Variants in CHD1 observed in about 807,000 individuals in gnomAD.
CHD1 encodes ATP-dependent chromatin remodeler CHD1.
A neutral mutation model predicts 224.2 loss-of-function variants in CHD1; 36 were observed. The ratio of observed to expected loss-of-function variants is 0.16; its 90% CI spans 0.12 to 0.21. The LOEUF is 0.21. Ranked by LOEUF, CHD1 falls within the 10% of genes least tolerant of loss-of-function variation. The pLI is 1.00. For synonymous variants in CHD1, 668 were observed against 658.3 expected (o/e 1.01, Z -0.23); for missense variants, 1,378 against 1,994.8 (o/e 0.69, Z 5.89).
Position 98,898,341 on chromosome 5 carries a change from G to A in CHD1, c.1280C>T (p.Ala427Val). The change falls in exon 10 of 36, where the codon GCT becomes GTT. Residue 427 changes from alanine (A) to valine (V), a missense_variant. Ala to Val is a moderately conservative substitution (Grantham distance 64). Coordinates refer to ENST00000614616, the MANE Select transcript of CHD1 (RefSeq NM_001270.4). ...TGCTTGAAACTTTTTGGAAATGAGA[G>A]CTCCATCTTCCCAGCTGCACTCTGA... ...PYSECSWEDG[A>V]LISKKFQACI... 8 of 1,602,634 alleles carry A rather than the reference G, an allele frequency of 5.0e-6. No homozygotes were observed. The highest frequency in any genetic ancestry group is 1.3e-5 in the African/African-American group (1 of 74,766).
chr5:98,908,627 T>C (rs1752198656), intron 2 of CHD1, among the ~76,000 whole-genome samples: 1 of 152,174 alleles, frequency 6.6e-6, no homozygotes, highest in Non-Finnish European at 1.5e-5. Flanking sequence ...GATCTCCAAT[T>C]AATATTTTAT....
intron 34 of CHD1, chr5:98,858,663 G>T: frequency 2.3e-6 from 1 of 427,954 alleles, no homozygotes; most frequent in Non-Finnish European, 4.1e-6. Flanking sequence ...CAGAAAGAAT[G>T]CATTACTATT....
chr5:98,870,944 T>G, intron 28 of CHD1, 141 bp from the exon 29 acceptor site: 1 of 447,844 alleles, frequency 2.2e-6, no homozygotes, highest in Non-Finnish European at 3.9e-6. Flanking sequence ...ATAAACTCAA[T>G]GCAAAATGTA....
chr5:98,886,151 AC>A (rs1192540202), intron 17 of CHD1: 1 of 152,438 alleles, frequency 6.6e-6, no homozygotes, highest in African/African-American at 2.4e-5. Flanking sequence ...ATTGAGTCCT[AC>A]CCCAGACCTA....
At chr5:98,915,340 T>C (rs1367285192) in intron 2 of CHD1, among the ~76,000 whole-genome samples, 1 of 152,184 alleles carries the variant, frequency 6.6e-6, no homozygotes, top group Non-Finnish European at 1.5e-5. Flanking sequence ...TAAAGTACAA[T>C]ATGATTCTAT....
intron 32 of CHD1, among the ~76,000 whole-genome samples, chr5:98,861,408 G>A (rs1748455931): frequency 6.6e-6 from 1 of 151,976 alleles, no homozygotes; most frequent in Non-Finnish European, 1.5e-5. Context: ...TTGTTTTTAA[G>A]AAATTTGGTC....
chr5:98,920,316 A>G (rs1226015371), intron 2 of CHD1, among the ~76,000 whole-genome samples: 3 of 152,160 alleles, frequency 2.0e-5, no homozygotes, highest in Non-Finnish European at 2.9e-5. Context: ...TCCAAAGAAT[A>G]TATTATGGAA....
At chr5:98,927,911 G>A (rs1753587671) in intron 1 of CHD1, among the ~76,000 whole-genome samples, 2 of 152,218 alleles carry the variant, frequency 1.3e-5, no homozygotes, top group South Asian at 4.2e-4. Context: ...CCTCTCAAGC[G>A]TCTCCACAAT....
At chr5:98,913,619 T>A (rs567670666) in intron 2 of CHD1, among the ~76,000 whole-genome samples, 2 of 152,196 alleles carry the variant, frequency 1.3e-5, no homozygotes, top group Non-Finnish European at 2.9e-5. Context: ...AGCCCTTTCT[T>A]CTCCTTCTAG....
chr5:98,913,720 A>C (rs1160456007), intron 2 of CHD1, among the ~76,000 whole-genome samples: 2 of 152,186 alleles, frequency 1.3e-5, no homozygotes, highest in African/African-American at 4.8e-5. Flanking sequence ...AAAGGAAAAG[A>C]TGTTATTAGT....
Position 98,875,131 on chromosome 5 carries a change from T to C in CHD1, c.3399-18A>G. 1.4e-6 allele frequency: 2 copies of C among 1,465,036 alleles called. No homozygotes were observed. The highest frequency in any genetic ancestry group is 1.9e-6 in the Non-Finnish European group (2 of 1,055,632). The allele number at this position is 1,465,036 out of a possible 1,614,324, so 90.8% of individuals were successfully genotyped here. On this transcript the variant is annotated intron_variant, in intron 24 of 35. Transcript: ENST00000614616. Reference sequence around the variant, plus strand: ...TGATAAACCTAAGAGAAAATAATTGTTTGGTAAATGTGAGCTTCAGTATTC... The same window carrying C: ...TGATAAACCTAAGAGAAAATAATTGCTTGGTAAATGTGAGCTTCAGTATTC...
At chr5:98,894,070 T>C (rs1751194253) in intron 13 of CHD1, among the ~76,000 whole-genome samples, 1 of 152,170 alleles carries the variant, frequency 6.6e-6, no homozygotes, top group African/African-American at 2.4e-5. Flanking sequence ...GCAGGCCTGA[T>C]TCCGCTACTT....
chr5:98,889,002 G>T, intron 16 of CHD1, 74 bp downstream of exon 16: 2 of 1,001,198 alleles, frequency 2.0e-6, no homozygotes, highest in Non-Finnish European at 2.9e-6. Flanking sequence ...AAAGCATTGA[G>T]CCATTTTCGA....
intron 22 of CHD1, among the ~76,000 whole-genome samples, chr5:98,880,004 C>T (rs161734): frequency 0.13 from 20,490 of 152,092 alleles, 1,785 homozygotes; most frequent in Middle Eastern, 0.26. Context: ...AACAGAACAA[C>T]AAAAAAGTAA....
intron 2 of CHD1, among the ~76,000 whole-genome samples, chr5:98,920,492 T>C (rs1475099307): frequency 1.3e-5 from 2 of 152,160 alleles, no homozygotes; most frequent in African/African-American, 4.8e-5. Flanking sequence ...AACCCTAGTT[T>C]ATCCTAAGAA....
chr5:98,916,652 T>C (rs1001796086), intron 2 of CHD1, among the ~76,000 whole-genome samples: 3 of 152,148 alleles, frequency 2.0e-5, no homozygotes, highest in Admixed American at 6.6e-5. Flanking sequence ...ATATGTAATT[T>C]TAAACAAAAT....
At position 98,899,662 on chromosome 5, in the gene CHD1, A is replaced by G. The variant is rs1199270537; in HGVS notation, c.903T>C (p.Gly301=). 1 of 1,613,874 alleles carries G rather than the reference A, an allele frequency of 6.2e-7. No homozygotes were observed. The highest frequency in any genetic ancestry group is 2.2e-5 in the East Asian group (1 of 44,854). The change falls in exon 8 of 36, where the codon GGT becomes GGC. Residue 301 remains glycine, a synonymous_variant. Coordinates refer to ENST00000614616, the MANE Select transcript of CHD1 (RefSeq NM_001270.4). ...TTTIYAVEAD[G]DPNAGFEKNK... The stretch of plus-strand genomic sequence containing the variant: ...TTTTTTCAAAGCCTGCATTTGGGTC[A>G]CCATCTGCTTCAACTGCATAGATGG...
At chr5:98,877,376 T>C (rs1397485046) in intron 23 of CHD1, among the ~76,000 whole-genome samples, 1 of 152,250 alleles carries the variant, frequency 6.6e-6, no homozygotes, top group Non-Finnish European at 1.5e-5. Flanking sequence ...ATTAGAATGA[T>C]GTACACTGTG....
chr5:98,872,666 T>C (rs1561491911), intron 26 of CHD1, 111 bp from the exon 27 acceptor site: 3 of 881,766 alleles, frequency 3.4e-6, no homozygotes, highest in Non-Finnish European at 5.3e-6. Context: ...GTATTCCTTA[T>C]TTATATTATT....
Sources: allele counts gnomAD v4.1 joint callset (sites outside exome capture counted in the v4.1 genomes callset), GRCh38; gene constraint gnomAD v4.1.1; transcripts MANE v1.5; gene names NCBI Gene and HGNC (gene_info 2026-07-23, HGNC 2026-07-21).